AKAP6: variants seen among roughly 807,000 people sequenced by gnomAD.
AKAP6 encodes A-kinase anchoring protein 6.
A neutral mutation model predicts 188.5 loss-of-function variants in AKAP6; 58 were observed. The observed-to-expected ratio is 0.31, with a 90% confidence interval of 0.25 to 0.38. The LOEUF (loss-of-function observed/expected upper bound fraction) is 0.38. Among genes scored for constraint, AKAP6 ranks in the 10% least tolerant of loss-of-function variants. The probability of loss-of-function intolerance (pLI) is 1.00; values close to 1 mark genes in which losing one functional copy is unlikely to be tolerated. For synonymous variants in AKAP6, 989 were observed against 998.6 expected (o/e 0.99, Z 0.18); for missense variants, 2,710 against 2,740.0 (o/e 0.99, Z 0.24).
At position 32,799,517 on chromosome 14, in the gene AKAP6, T is replaced by A. The variant is rs149878319; in HGVS notation, c.3589-21885T>A. Among the ~76,000 whole-genome samples, 233 of 152,306 alleles carry A rather than the reference T, an allele frequency of 1.5e-3. 2 individuals are homozygous for A. The highest frequency in any genetic ancestry group is 5.4e-3 in the African/African-American group (226 of 41,572). ...CAATCTTGATAAGTTGTATTTTTGTTTTTATTTAGTTCAAAATATTTTAAA... is the reference window on the plus strand; with the variant it reads ...CAATCTTGATAAGTTGTATTTTTGTATTTATTTAGTTCAAAATATTTTAAA... On this transcript the variant is annotated intron_variant, in intron 12 of 13. Transcript: ENST00000280979.
intron 1 of AKAP6, among the ~76,000 whole-genome samples, chr14:32,420,659 A>G (rs968430106): frequency 2.0e-5 from 3 of 152,100 alleles, no homozygotes; most frequent in Admixed American, 6.6e-5. Context: ...GTTCATTTAC[A>G]TCAGATTTTC....
At chr14:32,584,156 C>T (rs1885118887) in intron 5 of AKAP6, among the ~76,000 whole-genome samples, 1 of 152,178 alleles carries the variant, frequency 6.6e-6, no homozygotes, top group Non-Finnish European at 1.5e-5. Context: ...GTACAGTGGT[C>T]CCTCTTATTC....
chr14:32,730,106 G>A (rs774849851), intron 9 of AKAP6, among the ~76,000 whole-genome samples: 1 of 152,082 alleles, frequency 6.6e-6, no homozygotes, highest in Admixed American at 6.6e-5. Context: ...TACAGCTTGA[G>A]CCCCTAAACA....
At chr14:32,423,338 T>G (rs996758535) in intron 1 of AKAP6, among the ~76,000 whole-genome samples, 1 of 151,852 alleles carries the variant, frequency 6.6e-6, no homozygotes, top group Non-Finnish European at 1.5e-5. Flanking sequence ...CCTGGCTAAG[T>G]TTTTGTATTT....
At chr14:32,621,304 A>G (rs572374443) in intron 7 of AKAP6, among the ~76,000 whole-genome samples, 1 of 152,160 alleles carries the variant, frequency 6.6e-6, no homozygotes, top group African/African-American at 2.4e-5. Flanking sequence ...TTTTTGATGT[A>G]GGCATTTAGT....
chr14:32,392,989 C>A (rs1888760444), intron 1 of AKAP6, among the ~76,000 whole-genome samples: 1 of 151,920 alleles, frequency 6.6e-6, no homozygotes, highest in African/African-American at 2.4e-5. Flanking sequence ...ATATTACCCT[C>A]AAAACTGCCA....
chr14:32,553,167 C>CT (rs397798236), intron 4 of AKAP6, among the ~76,000 whole-genome samples: 6,914 of 132,566 alleles, frequency 0.052, 531 homozygotes, highest in African/African-American at 0.2. Context: ...TTTTTCTTTT[C>CT]TTTTTTTTTT....
chr14:32,551,601 G>C (rs113724298), intron 4 of AKAP6, among the ~76,000 whole-genome samples: 8 of 150,022 alleles, frequency 5.3e-5, no homozygotes, highest in African/African-American at 2.0e-4. Flanking sequence ...GGTGTAATCT[G>C]ACCTTTTCTT....
rs146944883 is a variant in AKAP6, at chr14:32,823,590, A to G, written c.5777A>G (p.Glu1926Gly). 2 of 1,613,942 alleles carry G rather than the reference A, an allele frequency of 1.2e-6. No individual in the cohort carries two copies. The highest frequency in any genetic ancestry group is 1.7e-6 in the Non-Finnish European group (2 of 1,179,914). ...GAAAATCTTGGTTCACATGGGAAAG[A>G]GATTTCAGAGAGTGAGCATTGTAAG... ...VSENLGSHGKEISESEHCKCK... is the reference protein window; with the variant it reads ...VSENLGSHGKGISESEHCKCK... Residue 1926 changes from glutamate to glycine, a missense_variant, in exon 13 of 14, where the codon GAG becomes GGG. By Grantham distance (98) the Glu-to-Gly change is moderately conservative. Around this residue, in one of 2 missense-constraint regions of AKAP6, gnomAD observed 2,473 missense variants for 2,426.1 expected, o/e 1.02. Transcript: ENST00000280979.
At chr14:32,709,509 T>C (rs1890952920) in intron 9 of AKAP6, among the ~76,000 whole-genome samples, 2 of 152,016 alleles carry the variant, frequency 1.3e-5, no homozygotes, top group African/African-American at 4.8e-5. Context: ...CTCTAAGAGA[T>C]TTTGTACAGT....
rs148724570 is a variant in AKAP6, at chr14:32,725,570, C to A, written c.3001-6884C>A. ...TTTGTTTTTACATCAGAGTTGCAGA[C>A]TAGCAATATCATTTATTTTATAGTA... On this transcript the variant is annotated intron_variant, in intron 9 of 13. Coordinates refer to ENST00000280979, the MANE Select transcript of AKAP6 (RefSeq NM_004274.5). Among the ~76,000 whole-genome samples, 748 of 152,124 alleles carry A rather than the reference C, an allele frequency of 4.9e-3. 7 individuals are homozygous for A. The highest frequency in any genetic ancestry group is 0.017 in the African/African-American group (704 of 41,494).
chr14:32,769,466 C>T (rs1208832785), intron 11 of AKAP6, among the ~76,000 whole-genome samples: 1 of 151,894 alleles, frequency 6.6e-6, no homozygotes, highest in Non-Finnish European at 1.5e-5. Context: ...CTTTGTTGTG[C>T]TTGCCACATA....
intron 7 of AKAP6, 117 bp downstream of exon 7, chr14:32,600,909 A>ATC (rs1885900095): frequency 2.6e-5 from 22 of 843,178 alleles, no homozygotes; most frequent in South Asian, 8.6e-5. Flanking sequence ...TAAACTTTAT[A>ATC]TCTCTCTCTA....
intron 12 of AKAP6, among the ~76,000 whole-genome samples, chr14:32,805,326 CTCTAGTTATACTTA>C (rs1432490657): frequency 6.6e-6 from 1 of 152,126 alleles, no homozygotes; most frequent in African/African-American, 2.4e-5. Context: ...CCAAAGAAAC[CTCTAGTTATACTTA>C]TCTTATGCAG....
At position 32,832,778 on chromosome 14, in the gene AKAP6, T is replaced by C. The variant is rs1261048500; in HGVS notation, c.*2973T>C. 6.6e-6 allele frequency: 1 copy of C among 152,626 alleles called. No homozygotes were observed. Among genetic ancestry groups the C allele is most frequent in the Non-Finnish European group, 1.5e-5 (1 of 68,048 alleles). The allele number at this position is 152,626 out of a possible 1,614,324, so 9.5% of individuals were successfully genotyped here. A position where few individuals can be genotyped will look rare whatever the true frequency, so the allele number is the denominator to read the frequency against. ...TCTTATGGAGCAGCCCAGATTATCT[T>C]TACTCCCTCTTTCTCATGGCAACCC... On this transcript the variant is annotated 3_prime_UTR_variant, in exon 14 of 14. Coordinates refer to ENST00000280979, the MANE Select transcript of AKAP6 (RefSeq NM_004274.5).
Position 32,822,035 on chromosome 14 carries a change from G to T in AKAP6, c.4222G>T (p.Val1408Leu), listed in dbSNP as rs376840822. The change falls in exon 13 of 14, where the codon GTG (valine) becomes TTG (leucine). Residue 1408 changes from valine to leucine, a missense_variant. Around this residue, in one of 2 missense-constraint regions of AKAP6, gnomAD observed 2,473 missense variants for 2,426.1 expected, o/e 1.02. Transcript: ENST00000280979. Reference sequence around the variant, plus strand: ...CCCACAAATGGGAGATGCAGTTAACGTGTTAAAGCAAAAATTTACAGATGA... The same window carrying T: ...CCCACAAATGGGAGATGCAGTTAACTTGTTAAAGCAAAAATTTACAGATGA... Reference protein sequence around the residue: ...LDPQMGDAVNVLKQKFTDEGE... With the variant: ...LDPQMGDAVNLLKQKFTDEGE... 18 of 1,613,760 alleles carry T rather than the reference G, an allele frequency of 1.1e-5. No individual in the cohort carries two copies. In the African/African-American group the frequency reaches 2.3e-4, roughly 20 times the overall value.
chr14:32,454,616 T>TGACCTTCCTTCC (rs538417968), intron 2 of AKAP6, among the ~76,000 whole-genome samples: 2,542 of 141,046 alleles, frequency 0.018, 26 homozygotes, highest in East Asian at 0.05. Flanking sequence ...AGTGAAAACT[T>TGACCTTCCTTCC]GACCTTCCTT....
chr14:32,727,549 A>G (rs2030932974), intron 9 of AKAP6, among the ~76,000 whole-genome samples: 1 of 152,212 alleles, frequency 6.6e-6, no homozygotes, highest in Admixed American at 6.5e-5. Context: ...ATCTATGTCC[A>G]ATTAACAGTA....
chr14:32,428,975 T>C (rs1351458560), intron 1 of AKAP6, among the ~76,000 whole-genome samples: 2 of 152,214 alleles, frequency 1.3e-5, no homozygotes, highest in African/African-American at 4.8e-5. Context: ...TTGATGGATG[T>C]TATTTTTAAC....
Sources: gnomAD v4.1 joint callset for allele counts (sites outside exome capture counted in the v4.1 genomes callset) on GRCh38, gnomAD v4.1.1 for gene constraint, gnomAD v4.1.1 regional missense constraint, MANE v1.5 for transcripts, NCBI Gene and HGNC (gene_info 2026-07-23, HGNC 2026-07-21) for gene names.